The following KIF26B variants were observed in gnomAD, a reference collection of about 807,000 sequenced individuals.
KIF26B encodes kinesin-like protein KIF26B.
Under a neutral mutation model 151.2 loss-of-function variants are expected in KIF26B, and 63 were observed. The ratio of observed to expected loss-of-function variants is 0.42; its 90% confidence interval spans 0.34 to 0.51. The LOEUF is 0.51. Among genes scored for constraint, KIF26B ranks in the 20% least tolerant of loss-of-function variants. The probability of loss-of-function intolerance (pLI) is 0.07; values close to 1 mark genes in which losing one functional copy is unlikely to be tolerated. For missense variants in KIF26B, 2,813 were observed against 2,913.6 expected (o/e 0.97, Z 0.79); for synonymous variants, 1,357 against 1,262.1 (o/e 1.08, Z -1.59).
At chr1:245,217,133 T>C (rs1225065648) in intron 2 of KIF26B, among the ~76,000 whole-genome samples, 1 of 152,158 alleles carries the variant, frequency 6.6e-6, no homozygotes, top group Non-Finnish European at 1.5e-5. Flanking sequence ...TCCCCTCTGA[T>C]TGAGGTCTCA....
chr1:245,684,646 C>T (rs769175422), intron 11 of KIF26B, among the ~76,000 whole-genome samples: 3 of 152,204 alleles, frequency 2.0e-5, no homozygotes, highest in Non-Finnish European at 4.4e-5. Context: ...ACCGGAAGCA[C>T]TTGGTCCGCT....
chr1:245,670,129 A>C (rs1359369681), intron 10 of KIF26B, among the ~76,000 whole-genome samples: 1 of 152,042 alleles, frequency 6.6e-6, no homozygotes, highest in Non-Finnish European at 1.5e-5. Context: ...AAGCTATTAA[A>C]TAAAATAAAT....
chr1:245,573,305 C>T (rs1291228171), intron 5 of KIF26B, among the ~76,000 whole-genome samples: 1 of 152,120 alleles, frequency 6.6e-6, no homozygotes, highest in Admixed American at 6.5e-5. Context: ...GGGTGGATCA[C>T]GAGGTCAGGA....
In KIF26B at chr1:245,469,253, C is replaced by T. The variant is rs565927173; in HGVS notation, c.1166+49508C>T. On this transcript the variant is annotated intron_variant, in intron 4 of 14. Coordinates refer to ENST00000407071, the MANE Select transcript of KIF26B (RefSeq NM_018012.4). ...AGCGTCACTTGGGGAGAATGTCATGCACTCCTGCACTGTGGCATCCAGAGA... is the reference window on the plus strand; with the variant it reads ...AGCGTCACTTGGGGAGAATGTCATGTACTCCTGCACTGTGGCATCCAGAGA... 1.6e-4 allele frequency among the ~76,000 whole-genome samples: 25 copies of T among 152,336 alleles called. 2 individuals carry two copies. The South Asian group carries it at 4.8e-3, about 29-fold the overall frequency.
In KIF26B at chr1:245,166,828, C is replaced by T. The variant is rs1263778780; in HGVS notation, c.465+10145C>T. Among the ~76,000 whole-genome samples the T allele has an allele frequency of 6.6e-6, 1 of 152,184 alleles. No homozygotes were observed. Among genetic ancestry groups the T allele is most frequent in the Non-Finnish European group, 1.5e-5 (1 of 68,052 alleles). ...CTCCCCCACCAAGCAGGATATCCTG[C>T]ACATACATCAGCTCTCAGGGCTGGA... On this transcript the variant is annotated intron_variant, in intron 2 of 14. Transcript: ENST00000407071. The surrounding 1 kb of genome is among the most constrained non-coding windows in gnomAD (Gnocchi z 4.5).
chr1:245,274,549 T>C (rs961636201), intron 2 of KIF26B, among the ~76,000 whole-genome samples: 1 of 151,476 alleles, frequency 6.6e-6, no homozygotes, highest in African/African-American at 2.4e-5. Context: ...GCAAAGGACA[T>C]GACATGAATG....
intron 12 of KIF26B, among the ~76,000 whole-genome samples, chr1:245,693,383 T>G (rs2044651396): frequency 6.6e-6 from 1 of 152,218 alleles, no homozygotes; most frequent in Admixed American, 6.5e-5. Context: ...TGCCCAGCAC[T>G]GGGCTGGTGC....
chr1:245,342,538 A>G (rs1672355612), intron 2 of KIF26B, among the ~76,000 whole-genome samples: 1 of 151,998 alleles, frequency 6.6e-6, no homozygotes, highest in African/African-American at 2.4e-5. Flanking sequence ...TTTCTTCTGA[A>G]GTCAATTCTG....
intron 2 of KIF26B, among the ~76,000 whole-genome samples, chr1:245,333,865 G>T (rs1009755318): frequency 6.6e-6 from 1 of 152,186 alleles, no homozygotes; most frequent in African/African-American, 2.4e-5. Flanking sequence ...AGGCATGGTG[G>T]TGGGCGCCTG....
intron 2 of KIF26B, among the ~76,000 whole-genome samples, chr1:245,348,575 C>A (rs186393523): frequency 1.2e-4 from 18 of 152,274 alleles, no homozygotes; most frequent in South Asian, 4.2e-4. Context: ...TCTGGGTCCC[C>A]TTTCTAAGAG....
rs2044866895 is a variant in KIF26B at position 245,708,307 on chromosome 1, T to C, written c.*5701T>C. The C allele has an allele frequency of 1.3e-5, 2 of 152,316 alleles. No homozygotes were observed. The highest frequency in any genetic ancestry group is 4.2e-4 in the South Asian group (2 of 4,818). 9.4% of individuals were successfully genotyped at this position (152,316 alleles called of 1,614,324 possible). ...TCTGTCTAGGAGCTGGGGGTAATCA[T>C]TTACAGATGAAGAAACTGAAGTCTA... On this transcript the variant is annotated 3_prime_UTR_variant, in exon 15 of 15. Coordinates refer to ENST00000407071, the MANE Select transcript of KIF26B (RefSeq NM_018012.4).
At chr1:245,203,751 C>CAA (rs1669347018) in intron 2 of KIF26B, among the ~76,000 whole-genome samples, 1 of 152,172 alleles carries the variant, frequency 6.6e-6, no homozygotes, top group Non-Finnish European at 1.5e-5. Flanking sequence ...ACGTTCAGTT[C>CAA]CCTCTCCACT....
At chr1:245,255,578 T>G (rs563633955) in intron 2 of KIF26B, among the ~76,000 whole-genome samples, 1 of 152,324 alleles carries the variant, frequency 6.6e-6, no homozygotes, top group South Asian at 2.1e-4. Context: ...CACAGCCCTT[T>G]ACAACCCACT....
chr1:245,405,328 T>C (rs1674108976), intron 3 of KIF26B, among the ~76,000 whole-genome samples: 1 of 152,226 alleles, frequency 6.6e-6, no homozygotes, highest in Admixed American at 6.5e-5. Flanking sequence ...CCCACAAATG[T>C]TTGCCTACCC....
chr1:245,556,985 A>C (rs1277574045), intron 5 of KIF26B, among the ~76,000 whole-genome samples: 2 of 152,174 alleles, frequency 1.3e-5, no homozygotes, highest in Non-Finnish European at 2.9e-5. Context: ...TGAGAGTTAC[A>C]TTATGTAACA....
intron 2 of KIF26B, among the ~76,000 whole-genome samples, chr1:245,178,300 G>C (rs538957877): frequency 6.6e-6 from 1 of 152,284 alleles, no homozygotes; most frequent in South Asian, 2.1e-4. Flanking sequence ...AGCTGTCATC[G>C]TGGGTTTGGG....
At position 245,560,173 on chromosome 1, in the gene KIF26B, TCTTA is replaced by T. The variant is rs2042930549; in HGVS notation, c.1350+19227_1350+19230del. 6.6e-6 allele frequency among the ~76,000 whole-genome samples: 1 copy of T among 152,174 alleles called. No individual in the cohort carries two copies. Among genetic ancestry groups the T allele is most frequent in the Non-Finnish European group, 1.5e-5 (1 of 68,024 alleles). On this transcript the variant is annotated intron_variant, in intron 5 of 14. Transcript: ENST00000407071. This position sits in a 1 kb window ranked among gnomAD's most constrained non-coding sequence, Gnocchi z 4.3. ...TGAGTTGTGGATGAAAGGGGCTGTATCTTACTTGCCCCTTTTTGCATTTATTCAT... is the reference window on the plus strand; with the variant it reads ...TGAGTTGTGGATGAAAGGGGCTGTATCTTGCCCCTTTTTGCATTTATTCAT...
chr1:245,476,904 G>C (rs1432620326), intron 4 of KIF26B, among the ~76,000 whole-genome samples: 1 of 151,712 alleles, frequency 6.6e-6, no homozygotes, highest in Non-Finnish European at 1.5e-5. Context: ...ATAGTTCAAA[G>C]GGACAATGGA....
intron 2 of KIF26B, among the ~76,000 whole-genome samples, chr1:245,264,185 G>A (rs572260691): frequency 1.9e-4 from 29 of 152,082 alleles, no homozygotes; most frequent in African/African-American, 6.5e-4. Flanking sequence ...TATATTACGA[G>A]GTCTATCACC....
Sources: gnomAD v4.1 joint callset for allele counts (sites outside exome capture counted in the v4.1 genomes callset) on GRCh38, gnomAD v4.1.1 for gene constraint, Gnocchi (gnomAD v3.1) non-coding constraint, MANE v1.5 for transcripts, NCBI Gene and HGNC (gene_info 2026-07-23, HGNC 2026-07-21) for gene names.